The following DLGAP1 variants were observed in gnomAD, a reference collection of about 807,000 sequenced individuals.
The protein encoded by DLGAP1 is disks large-associated protein 1.
Under a neutral mutation model 90.8 loss-of-function variants are expected in DLGAP1, and 11 were observed. The ratio of observed to expected loss-of-function variants is 0.12; its 90% CI spans 0.08 to 0.20. The LOEUF (loss-of-function observed/expected upper bound fraction) is 0.20. Ranked by LOEUF, DLGAP1 falls within the 10% of genes least tolerant of loss-of-function variation. The pLI is 1.00. For synonymous variants in DLGAP1, 558 were observed against 540.7 expected (o/e 1.03, Z -0.44); for missense variants, 1,050 against 1,333.8 (o/e 0.79, Z 3.31).
chr18:4,225,477 C>A (rs1243727916), intron 1 of DLGAP1, among the ~76,000 whole-genome samples: 2 of 151,958 alleles, frequency 1.3e-5, no homozygotes, highest in African/African-American at 4.8e-5. Flanking sequence ...GGGACCAATC[C>A]TGGAAAGACA....
intron 2 of DLGAP1, among the ~76,000 whole-genome samples, chr18:4,058,766 C>G (rs942153485): frequency 6.6e-6 from 1 of 152,180 alleles, no homozygotes; most frequent in Non-Finnish European, 1.5e-5. Context: ...TTTCAATATG[C>G]CTTGAGACCT....
chr18:4,127,757 G>A (rs776627368), intron 2 of DLGAP1, among the ~76,000 whole-genome samples: 41 of 152,106 alleles, frequency 2.7e-4, no homozygotes, highest in Non-Finnish European at 5.7e-4. Flanking sequence ...AATAAGGCCT[G>A]AAACACAGGA....
chr18:3,663,337 G>T (rs900512558), intron 7 of DLGAP1, among the ~76,000 whole-genome samples: 2 of 152,164 alleles, frequency 1.3e-5, no homozygotes, highest in African/African-American at 4.8e-5. Flanking sequence ...TTTAGAAGGG[G>T]TGAGTATATT....
At chr18:3,737,222 A>G (rs2062684058) in intron 6 of DLGAP1, among the ~76,000 whole-genome samples, 1 of 151,930 alleles carries the variant, frequency 6.6e-6, no homozygotes, top group African/African-American at 2.4e-5. Context: ...TTCCTTCTGA[A>G]ACTATTCCAA....
chr18:4,217,215 C>G (rs1198755947), intron 1 of DLGAP1, among the ~76,000 whole-genome samples: 1 of 152,050 alleles, frequency 6.6e-6, no homozygotes, highest in East Asian at 1.9e-4. Context: ...GGTTTGGCTG[C>G]TCATTTCTTT....
chr18:4,345,074 G>A (rs2081278092), intron 1 of DLGAP1, among the ~76,000 whole-genome samples: 1 of 152,114 alleles, frequency 6.6e-6, no homozygotes, highest in South Asian at 2.1e-4. Context: ...ACCTTTGGAT[G>A]ACCTTTATTT....
At chr18:3,925,285 A>ATT (rs5822775) in intron 3 of DLGAP1, among the ~76,000 whole-genome samples, 2,393 of 145,120 alleles carry the variant, frequency 0.016, 29 homozygotes, top group Non-Finnish European at 0.025. Flanking sequence ...GATTTGTGGG[A>ATT]TTTTTTTTTT....
At chr18:4,359,307 C>T (rs1303524348) in intron 1 of DLGAP1, among the ~76,000 whole-genome samples, 2 of 152,156 alleles carry the variant, frequency 1.3e-5, no homozygotes, top group African/African-American at 4.8e-5. Flanking sequence ...TCTGATCTTC[C>T]GCTGGAGTAG....
intron 2 of DLGAP1, among the ~76,000 whole-genome samples, chr18:4,138,039 C>T (rs1331543217): frequency 6.6e-6 from 1 of 152,048 alleles, no homozygotes; most frequent in East Asian, 1.9e-4. Context: ...CATATAAGAT[C>T]ATATGATCTG....
intron 7 of DLGAP1, among the ~76,000 whole-genome samples, chr18:3,600,829 T>TATATAGATATATATAGATATATAG (rs371412009): frequency 5.9e-4 from 16 of 26,976 alleles, no homozygotes; most frequent in African/African-American, 2.4e-3. Context: ...GATATATAGA[T>TATATAGATATATATAGATATATAG]ATATATAGAT....
chr18:3,892,164 CACA>C (rs1383178978), intron 3 of DLGAP1, among the ~76,000 whole-genome samples: 1 of 130,922 alleles, frequency 7.6e-6, no homozygotes. Context: ...CACACACACA[CACA>C]GTCTTTCATA....
chr18:3,636,726 CT>C (rs10606915), intron 7 of DLGAP1, among the ~76,000 whole-genome samples: 24,423 of 121,048 alleles, frequency 0.2, 3,751 homozygotes, highest in African/African-American at 0.46. Flanking sequence ...ACTTTTACAT[CT>C]TTTTTTTTTT....
chr18:3,792,562 AC>A (rs1413154516), intron 5 of DLGAP1, among the ~76,000 whole-genome samples: 2 of 151,726 alleles, frequency 1.3e-5, no homozygotes, highest in Non-Finnish European at 2.9e-5. Context: ...CCTTCTCTCA[AC>A]CCCTTCTGCA....
chr18:4,247,398 C>T (rs1409209652), intron 1 of DLGAP1, among the ~76,000 whole-genome samples: 1 of 152,180 alleles, frequency 6.6e-6, no homozygotes, highest in East Asian at 1.9e-4. Context: ...ACCCATGCGG[C>T]CTTGGCTTCA....
At chr18:4,305,017 C>T (rs1598858756) in intron 1 of DLGAP1, among the ~76,000 whole-genome samples, 1 of 152,030 alleles carries the variant, frequency 6.6e-6, no homozygotes, top group Middle Eastern at 3.4e-3. Context: ...CTCTCCTTGC[C>T]CACTCCTTTT....
chr18:3,615,620 G>C lies in DLGAP1; in HGVS notation c.1592-33372C>G, dbSNP rs75689192. Among the ~76,000 whole-genome samples, 674 of 152,244 alleles carry C rather than the reference G, an allele frequency of 4.4e-3. 8 individuals carry two copies. The highest frequency in any genetic ancestry group is 0.015 in the African/African-American group (626 of 41,530). The stretch of plus-strand genomic sequence containing the variant: ...GATGGAGATGGGGGAGGCCAAGAAA[G>C]CTGCATTTTTCATTGCTTTGTCTGA... On this transcript the variant is annotated intron_variant, in intron 7 of 12. Coordinates refer to ENST00000315677, the MANE Select transcript of DLGAP1 (RefSeq NM_004746.4).
chr18:4,165,257 G>A (rs1468672217), intron 1 of DLGAP1, among the ~76,000 whole-genome samples: 1 of 152,152 alleles, frequency 6.6e-6, no homozygotes, highest in Admixed American at 6.5e-5. Flanking sequence ...CTCTAGGGAG[G>A]CAGCAATTTG....
intron 1 of DLGAP1, among the ~76,000 whole-genome samples, chr18:4,173,368 T>G (rs2077054956): frequency 6.6e-6 from 1 of 152,194 alleles, no homozygotes; most frequent in Non-Finnish European, 1.5e-5. Context: ...CAAGGTAGAC[T>G]TCTGAACTTG....
rs376689105 is a variant in DLGAP1, at chr18:4,255,512, T to A, written c.-266-104225A>T. Among the ~76,000 whole-genome samples the A allele has an allele frequency of 1.1e-3, 162 of 141,586 alleles. 1 individual carries two copies. The highest frequency in any genetic ancestry group is 3.6e-3 in the Middle Eastern group (1 of 280). 92.9% of individuals were successfully genotyped at this position (141,586 alleles called of 152,430 possible). On this transcript the variant is annotated intron_variant, in intron 1 of 12. Coordinates refer to ENST00000315677, the MANE Select transcript of DLGAP1 (RefSeq NM_004746.4). ...ATTTATATACAGATGAAAAAAAAAATATATATATATACAATTTTCTTTCCA... is the reference window on the plus strand; with the variant it reads ...ATTTATATACAGATGAAAAAAAAAAAATATATATATACAATTTTCTTTCCA...
Sources: allele counts gnomAD v4.1 joint callset (sites outside exome capture counted in the v4.1 genomes callset), GRCh38; gene constraint gnomAD v4.1.1; transcripts MANE v1.5; gene names NCBI Gene and HGNC (gene_info 2026-07-23, HGNC 2026-07-21).